Variants in CERS6 observed in about 807,000 individuals in gnomAD.
The protein encoded by CERS6 is LAG1 homolog, ceramide synthase 6.
CERS6 carries 26 observed loss-of-function variants against 56.8 expected under a neutral mutation model. That is an observed-to-expected ratio of 0.46 (90% confidence interval 0.34 to 0.63). The LOEUF is 0.63. Among genes scored for constraint, CERS6 ranks in the 30% least tolerant of loss-of-function variants. The pLI, the probability that CERS6 is intolerant of heterozygous loss-of-function variation, is 0.01. For synonymous variants in CERS6, 164 were observed against 173.3 expected (o/e 0.95, Z 0.42); for missense variants, 415 against 467.5 (o/e 0.89, Z 1.04).
At chr2:168,713,285 T>A (rs1194082210) in intron 6 of CERS6, among the ~76,000 whole-genome samples, 1 of 152,230 alleles carries the variant, frequency 6.6e-6, no homozygotes, top group African/African-American at 2.4e-5. Context: ...TTTTCGGATA[T>A]GCTTTTCATT....
chr2:168,603,913 C>G (rs2105265705), intron 3 of CERS6, among the ~76,000 whole-genome samples: 1 of 152,296 alleles, frequency 6.6e-6, no homozygotes, highest in South Asian at 2.1e-4. Context: ...TAGTCTATAT[C>G]CAAGTCTGTC....
At chr2:168,759,307 C>T (rs1395184597) in intron 8 of CERS6, among the ~76,000 whole-genome samples, 1 of 152,082 alleles carries the variant, frequency 6.6e-6, no homozygotes, top group Non-Finnish European at 1.5e-5. Flanking sequence ...AGGGGTATAA[C>T]CTGTAGATCA....
intron 6 of CERS6, among the ~76,000 whole-genome samples, chr2:168,710,158 C>T (rs929946467): frequency 6.6e-6 from 1 of 152,062 alleles, no homozygotes. Flanking sequence ...AAAAACAAGG[C>T]TCTTGTTTTT....
At chr2:168,584,685 A>G (rs778025261) in intron 3 of CERS6, among the ~76,000 whole-genome samples, 1 of 152,248 alleles carries the variant, frequency 6.6e-6, no homozygotes, top group Non-Finnish European at 1.5e-5. Context: ...ATCTATTCAC[A>G]TACTTCAAGG....
intron 4 of CERS6, among the ~76,000 whole-genome samples, chr2:168,633,387 C>T (rs1228242107): frequency 1.3e-5 from 2 of 152,072 alleles, no homozygotes; most frequent in Non-Finnish European, 2.9e-5. Context: ...CCATCTTGTC[C>T]AACCCTCTCA....
intron 1 of CERS6, among the ~76,000 whole-genome samples, chr2:168,494,128 G>A (rs541819414): frequency 3.9e-5 from 6 of 152,272 alleles, no homozygotes; most frequent in Non-Finnish European, 5.9e-5. Flanking sequence ...TTGTGCAGCT[G>A]CCCCATCACT....
rs549032202 is a variant in CERS6, at chr2:168,658,306, T to G, written c.465+27264T>G. 3.9e-5 allele frequency among the ~76,000 whole-genome samples: 6 copies of G among 152,300 alleles called. No individual in the cohort carries two copies. In the East Asian group the frequency reaches 1.2e-3, roughly 29 times the overall value. On this transcript the variant is annotated intron_variant, in intron 4 of 9. Transcript: ENST00000305747. ...GGTCCTTGACGAGATCCCAAGGAAG[T>G]AGATTTCGGCTCCCCGGCCTGGTCA... is the stretch of plus-strand genomic sequence containing the variant.
intron 1 of CERS6, among the ~76,000 whole-genome samples, chr2:168,467,484 A>ATC (rs1404991405): frequency 5.9e-5 from 9 of 152,200 alleles, no homozygotes; most frequent in Non-Finnish European, 1.0e-4. Flanking sequence ...CAGTATATTT[A>ATC]AATTGTGTTG....
intron 1 of CERS6, among the ~76,000 whole-genome samples, chr2:168,467,740 A>G (rs779367164): frequency 5.9e-5 from 9 of 152,366 alleles, no homozygotes; most frequent in Non-Finnish European, 1.2e-4. Flanking sequence ...AGGGGATTCA[A>G]TGAAACCTGG....
chr2:168,476,809 G>A (rs1189732272), intron 1 of CERS6, among the ~76,000 whole-genome samples: 1 of 152,022 alleles, frequency 6.6e-6, no homozygotes, highest in Non-Finnish European at 1.5e-5. Flanking sequence ...ATTGGATAGT[G>A]TCTGCCCATA....
intron 1 of CERS6, among the ~76,000 whole-genome samples, chr2:168,460,342 A>G (rs1476690495): frequency 1.3e-5 from 2 of 151,942 alleles, no homozygotes; most frequent in African/African-American, 4.8e-5. Context: ...CCACAGGTGC[A>G]TGCTACCAGG....
chr2:168,563,661 G>A (rs1389470964), intron 3 of CERS6, among the ~76,000 whole-genome samples: 2 of 152,114 alleles, frequency 1.3e-5, no homozygotes, highest in Admixed American at 6.5e-5. Flanking sequence ...GCCAGATGTG[G>A]TGGCAGGCGC....
intron 1 of CERS6, among the ~76,000 whole-genome samples, chr2:168,498,579 A>G (rs569538136): frequency 6.6e-6 from 1 of 152,332 alleles, no homozygotes; most frequent in African/African-American, 2.4e-5. Context: ...CGTGTATGCA[A>G]CATGTGTCCC....
chr2:168,486,536 T>TTTTTTTTTTTTTTTC (rs1417729821), intron 1 of CERS6, among the ~76,000 whole-genome samples: 1 of 151,684 alleles, frequency 6.6e-6, no homozygotes, highest in Non-Finnish European at 1.5e-5. Context: ...TTTTTTTTTT[T>TTTTTTTTTTTTTTTC]TTGCCTATGG....
At chr2:168,589,555 A>G (rs1017809996) in intron 3 of CERS6, among the ~76,000 whole-genome samples, 1 of 152,222 alleles carries the variant, frequency 6.6e-6, no homozygotes, top group Non-Finnish European at 1.5e-5. Context: ...TTCCAATACC[A>G]TGCATGCCTT....
intron 4 of CERS6, among the ~76,000 whole-genome samples, chr2:168,637,077 T>G (rs1684877074): frequency 6.6e-6 from 1 of 152,180 alleles, no homozygotes. Flanking sequence ...TGCTCATATG[T>G]ATGGTGAGCT....
rs146306819 is a variant in CERS6, at chr2:168,483,219, T to C, written c.170+26601T>C. On this transcript the variant is annotated intron_variant, in intron 1 of 9. Coordinates refer to ENST00000305747, the MANE Select transcript of CERS6 (RefSeq NM_203463.3). ...GTGAAGTAGGTACTATTTTTACTTC[T>C]TTTTTTATAGATGTGGAGATTAGGC... Among the ~76,000 whole-genome samples the C allele has an allele frequency of 2.5e-3, 388 of 152,302 alleles. 2 individuals are homozygous for C. Among genetic ancestry groups the C allele is most frequent in the Non-Finnish European group, 3.7e-3 (254 of 68,008 alleles).
chr2:168,561,441 A>G, intron 3 of CERS6, 119 bp downstream of exon 3: 2 of 1,090,130 alleles, frequency 1.8e-6, no homozygotes, highest in Non-Finnish European at 2.6e-6. Flanking sequence ...ATCTGGTGGG[A>G]AAATAGTTCA....
At chr2:168,509,106 A>G (rs1204542632) in intron 1 of CERS6, among the ~76,000 whole-genome samples, 1 of 152,142 alleles carries the variant, frequency 6.6e-6, no homozygotes, top group African/African-American at 2.4e-5. Context: ...TCTTGGCAGA[A>G]TCTCTCTTCT....
Sources: allele counts gnomAD v4.1 joint callset (sites outside exome capture counted in the v4.1 genomes callset), GRCh38; gene constraint gnomAD v4.1.1; transcripts MANE v1.5; gene names NCBI Gene and HGNC (gene_info 2026-07-23, HGNC 2026-07-21).